The following ITIH3 variants were observed in gnomAD, a reference collection of about 807,000 sequenced individuals.
ITIH3 encodes inter-alpha-trypsin inhibitor heavy chain H3.
ITIH3 carries 81 observed loss-of-function variants against 96.5 expected under a neutral mutation model. That is an observed-to-expected ratio of 0.84 (90% CI 0.70 to 1.01). The LOEUF (loss-of-function observed/expected upper bound fraction) is 1.01, where lower values mean the gene tolerates loss of function less well. ITIH3 is among the 50% of genes least tolerant of loss of function. The pLI is 0.00. For synonymous variants in ITIH3, 422 were observed against 445.2 expected, an observed-to-expected ratio of 0.95 and a Z score of 0.66; for missense variants, 1,057 against 1,139.3, an observed-to-expected ratio of 0.93 and a Z score of 1.04.
chr3:52,795,491 G>A, intron 1 of ITIH3, 112 bp from the exon 2 acceptor site: 1 of 1,142,912 alleles, frequency 8.7e-7, no homozygotes, highest in Non-Finnish European at 1.3e-6. Flanking sequence ...AGGTGTGTGG[G>A]GGGCAGGGCA....
chr3:52,803,619 G>A (rs561905658), intron 13 of ITIH3, among the ~76,000 whole-genome samples: 4 of 152,304 alleles, frequency 2.6e-5, no homozygotes, highest in African/African-American at 7.2e-5. Flanking sequence ...ATGCCCGGCC[G>A]GTCCTTACGT....
At position 52,797,220 on chromosome 3, in the gene ITIH3, G is replaced by A. The variant is rs1402435260; in HGVS notation, c.502G>A (p.Glu168Lys). The change falls in exon 5 of 22, where the codon GAG becomes AAG. Residue 168 changes from glutamate (E) to lysine (K), a missense_variant. Physicochemically the swap from Glu to Lys is moderately conservative, Grantham distance 56. Coordinates refer to ENST00000449956, the MANE Select transcript of ITIH3 (RefSeq NM_002217.4). Reference sequence around the variant, plus strand: ...GCTGAAGAGGCACAAGGGCAAGTACGAGATGTACCTCAAGGTCCAGCCTAA... The same window carrying A: ...GCTGAAGAGGCACAAGGGCAAGTACAAGATGTACCTCAAGGTCCAGCCTAA... ...ELLKRHKGKY[E>K]MYLKVQPKQL... 6 of 1,607,498 alleles carry A rather than the reference G, an allele frequency of 3.7e-6. No individual in the cohort carries two copies. Among genetic ancestry groups the A allele is most frequent in the Admixed American group, 1.7e-5 (1 of 59,150 alleles).
chr3:52,808,267 A>C, intron 21 of ITIH3, 46 bp downstream of exon 21: 1 of 1,478,174 alleles, frequency 6.8e-7, no homozygotes, highest in Non-Finnish European at 9.5e-7. Context: ...CAACGAGAGG[A>C]GGAAAGAGCA....
At position 52,808,160 on chromosome 3, in the gene ITIH3, T is replaced by C. The variant is rs1700124420; in HGVS notation, c.2482T>C (p.Ser828Pro). 1 of 1,614,190 alleles carries C rather than the reference T, an allele frequency of 6.2e-7. No homozygotes were observed. Among genetic ancestry groups the C allele is most frequent in the South Asian group, 1.1e-5 (1 of 91,082 alleles). Reference protein sequence around the residue: ...DFKVSDIRPGSDPTKPDATLV... With the variant: ...DFKVSDIRPGPDPTKPDATLV... The stretch of plus-strand genomic sequence containing the variant: ...TAAAGTGTCTGACATCCGGCCAGGC[T>C]CTGACCCCACAAAGCCAGATGCCAC... The change falls in exon 21 of 22, where the codon TCT becomes CCT. Residue 828 changes from serine (S) to proline (P), a missense_variant. By Grantham distance (74) the Ser-to-Pro change is moderately conservative (BLOSUM62 -1). Transcript: ENST00000449956.
At chr3:52,798,196 G>A (rs1699669825) in intron 6 of ITIH3, among the ~76,000 whole-genome samples, 1 of 152,188 alleles carries the variant, frequency 6.6e-6, no homozygotes, top group Non-Finnish European at 1.5e-5. Flanking sequence ...ACAGGGCAGG[G>A]CTTATCTTCC....
chr3:52,794,996 G>A (rs1226711005), intron 1 of ITIH3, 100 bp downstream of exon 1: 3 of 978,630 alleles, frequency 3.1e-6, no homozygotes, highest in African/African-American at 3.2e-5. Context: ...GGAGGCAGAG[G>A]GCTGGGCACT....
rs199667348 is a variant in ITIH3 at position 52,797,095 on chromosome 3, C to T, written c.387-10C>T. 27 of 1,606,262 alleles carry T rather than the reference C, an allele frequency of 1.7e-5. No homozygotes were observed. In the East Asian group the frequency reaches 5.8e-4, roughly 35 times the overall value. ...TCTTTGAGGGAGTCACCATCTCGCA[C>T]CCTGGTCAGGGCCTCTGGGAGGAAG... On this transcript the variant is annotated splice_polypyrimidine_tract_variant and intron_variant, in intron 4 of 21. Coordinates refer to ENST00000449956, the MANE Select transcript of ITIH3 (RefSeq NM_002217.4).
In ITIH3 at chr3:52,798,834, C is replaced by T. The variant is rs927695811; in HGVS notation, c.664-132C>T. The stretch of plus-strand genomic sequence containing the variant: ...GGCAGGGCTGCCCAGGCCTCCAGCT[C>T]TTGCTAGCCTCTGCCCTGCCAAGGG... On this transcript the variant is annotated intron_variant, in intron 6 of 21. Transcript: ENST00000449956. The T allele has an allele frequency of 6.1e-6, 7 of 1,146,896 alleles. No homozygotes were observed. The African/African-American group carries it at 6.2e-5, about 10-fold the overall frequency. The allele number at this position is 1,146,896 out of a possible 1,614,324, so 71.0% of individuals were successfully genotyped here.
At chr3:52,795,728 G>C in intron 2 of ITIH3, 105 bp downstream of exon 2, 4 of 1,135,664 alleles carry the variant, frequency 3.5e-6, no homozygotes, top group Non-Finnish European at 5.1e-6. Context: ...CCTCACAGCT[G>C]GCAAACAGCT....
rs746916399 is a variant in ITIH3 at position 52,805,842 on chromosome 3, T to G, written c.1906+2T>G. ...TGAGCCCCGCCATGTCCTACCTGAG[T>G]GAGTACATGCTGGCAGCTGCCACTC... On this transcript the variant is annotated splice_donor_variant, in intron 16 of 21. Coordinates refer to ENST00000449956, the MANE Select transcript of ITIH3 (RefSeq NM_002217.4). LOFTEE classifies it high-confidence loss of function. 6.2e-7 allele frequency: 1 copy of G among 1,613,700 alleles called. No homozygotes were observed. Among genetic ancestry groups the G allele is most frequent in the East Asian group, 2.2e-5 (1 of 44,862 alleles).
intron 18 of ITIH3, 71 bp from the exon 19 acceptor site, chr3:52,806,830 G>A: frequency 7.8e-7 from 1 of 1,277,590 alleles, no homozygotes; most frequent in Non-Finnish European, 1.1e-6. Flanking sequence ...GAAGAGGAAG[G>A]CACACCCCTA....
At chr3:52,807,174 TAGAA>T in intron 19 of ITIH3, 69 bp downstream of exon 19, 2 of 1,359,862 alleles carry the variant, frequency 1.5e-6, no homozygotes, top group Non-Finnish European at 2.0e-6. Context: ...TTGAGGGATT[TAGAA>T]AAATCCCAGG....
At chr3:52,808,062 C>T in intron 20 of ITIH3, 48 bp from the exon 21 acceptor site, 2 of 1,588,670 alleles carry the variant, frequency 1.3e-6, no homozygotes, top group Non-Finnish European at 1.7e-6. Context: ...GGCCACGTTA[C>T]CCGTGGCAAT....
intron 6 of ITIH3, 181 bp from the exon 7 acceptor site, chr3:52,798,785 G>A (rs1425909166): frequency 1.5e-6 from 1 of 650,414 alleles, no homozygotes; most frequent in Non-Finnish European, 2.6e-6. Flanking sequence ...TGAGTCCTGG[G>A]AGCTGCAGAG....
chr3:52,804,403 C>T, intron 14 of ITIH3: 1 of 438,890 alleles, frequency 2.3e-6, no homozygotes, highest in Non-Finnish European at 4.1e-6. Flanking sequence ...GAGCTGGAGG[C>T]TGGGACCCCC....
At position 52,799,029 on chromosome 3, in the gene ITIH3, C is replaced by A. The variant is rs1447585970; in HGVS notation, c.727C>A (p.Leu243Ile). Residue 243 changes from leucine to isoleucine, a missense_variant, in exon 7 of 22, where the codon CTC becomes ATC. Coordinates refer to ENST00000449956, the MANE Select transcript of ITIH3 (RefSeq NM_002217.4). ...QRSCPTCTDS[L>I]LNGDFTITYD... ...TTCATGCCCAACCTGTACAGACTCC[C>A]TCCTCAATGGAGATTTCACTATCAC... 1 of 1,613,636 alleles carries A rather than the reference C, an allele frequency of 6.2e-7. No homozygotes were observed. The highest frequency in any genetic ancestry group is 1.1e-5 in the South Asian group (1 of 90,944).
At chr3:52,803,720 T>C in intron 13 of ITIH3, 135 bp from the exon 14 acceptor site, 1 of 923,410 alleles carries the variant, frequency 1.1e-6, no homozygotes, top group South Asian at 1.7e-5. Context: ...TGAGCCCAAC[T>C]GGGCTGTACC....
chr3:52,804,614 G>A (rs1212513295), intron 14 of ITIH3, 112 bp from the exon 15 acceptor site: 2 of 1,134,690 alleles, frequency 1.8e-6, no homozygotes, highest in Non-Finnish European at 2.6e-6. Context: ...CTGGCTGCTG[G>A]GAGGCCCACA....
Position 52,799,019 on chromosome 3 carries a change from T to C in ITIH3, c.717T>C (p.Cys239=), listed in dbSNP as rs370787925. The C allele has an allele frequency of 2.2e-4, 358 of 1,613,542 alleles. 2 individuals carry two copies. Among genetic ancestry groups the C allele is most frequent in the Non-Finnish European group, 2.1e-4 (251 of 1,179,782 alleles). ...ACCAACAGCGTTCATGCCCAACCTG[T>C]ACAGACTCCCTCCTCAATGGAGATT... is the stretch of plus-strand genomic sequence containing the variant. ...SLDQQRSCPT[C]TDSLLNGDFT... Residue 239 remains cysteine (C), a synonymous_variant, in exon 7 of 22, where the codon TGT becomes TGC. Transcript: ENST00000449956.
Sources: gnomAD v4.1 joint callset for allele counts (sites outside exome capture counted in the v4.1 genomes callset) on GRCh38, gnomAD v4.1.1 for gene constraint, MANE v1.5 for transcripts, NCBI Gene and HGNC (gene_info 2026-07-23, HGNC 2026-07-21) for gene names.